Variants in GTF2F2 observed in about 807,000 individuals in gnomAD.
The protein encoded by GTF2F2 is general transcription factor IIF subunit 2.
Under a neutral mutation model 42.2 loss-of-function variants are expected in GTF2F2, and 23 were observed. That is an observed-to-expected ratio of 0.55 (90% CI 0.39 to 0.77). GTF2F2 has a LOEUF of 0.77. Ranked by LOEUF, GTF2F2 falls within the 30% of genes least tolerant of loss-of-function variation. The probability of loss-of-function intolerance (pLI) is 0.00; values close to 1 mark genes in which losing one functional copy is unlikely to be tolerated. For missense variants in GTF2F2, 261 were observed against 287.2 expected (o/e 0.91, Z 0.66); for synonymous variants, 105 against 100.8 (o/e 1.04, Z -0.25).
intron 7 of GTF2F2, among the ~76,000 whole-genome samples, chr13:45,270,079 G>A (rs1876725786): frequency 6.6e-6 from 1 of 152,138 alleles, no homozygotes; most frequent in Non-Finnish European, 1.5e-5. Context: ...TGATCTACAT[G>A]CCTCAGCCTC....
At chr13:45,143,398 T>A (rs1192071028) in intron 2 of GTF2F2, among the ~76,000 whole-genome samples, 5 of 152,226 alleles carry the variant, frequency 3.3e-5, no homozygotes, top group African/African-American at 1.2e-4. Context: ...CCCTATCACT[T>A]ACTAGCTATG....
chr13:45,125,690 GTC>G (rs1868959882), intron 1 of GTF2F2, among the ~76,000 whole-genome samples: 1 of 152,136 alleles, frequency 6.6e-6, no homozygotes. Flanking sequence ...TCATTTTTAT[GTC>G]TTTGGTCTTG....
intron 4 of GTF2F2, among the ~76,000 whole-genome samples, chr13:45,184,767 T>G (rs544912902): frequency 2.0e-4 from 31 of 152,270 alleles, no homozygotes; most frequent in Non-Finnish European, 3.4e-4. Context: ...ACTAAACACC[T>G]GAGTGTTAAC....
intron 1 of GTF2F2, 101 bp downstream of exon 1, chr13:45,120,822 G>A: frequency 1.2e-6 from 1 of 809,746 alleles, no homozygotes; most frequent in Non-Finnish European, 2.1e-6. Flanking sequence ...GTTCTTTTAC[G>A]GCTATCTCGT....
Position 45,279,661 on chromosome 13 carries a change from G to A in GTF2F2, c.631-3781G>A, listed in dbSNP as rs191789249. Reference sequence around the variant, plus strand: ...GGTGGCTCATGCCTGTAATCCTAGCGCTTTGGGAGGCCGAGGCGGGTGGAT... The same window carrying A: ...GGTGGCTCATGCCTGTAATCCTAGCACTTTGGGAGGCCGAGGCGGGTGGAT... On this transcript the variant is annotated intron_variant, in intron 7 of 7. Coordinates refer to ENST00000340473, the MANE Select transcript of GTF2F2 (RefSeq NM_004128.3). 8.5e-3 allele frequency among the ~76,000 whole-genome samples: 1,288 copies of A among 152,178 alleles called. 19 individuals carry two copies. The highest frequency in any genetic ancestry group is 0.024 in the Middle Eastern group (7 of 294).
At chr13:45,178,775 A>G (rs1242057993) in intron 4 of GTF2F2, among the ~76,000 whole-genome samples, 3 of 152,320 alleles carry the variant, frequency 2.0e-5, no homozygotes, top group South Asian at 2.1e-4. Context: ...GCCTTAAAAC[A>G]ACAATGATGT....
intron 4 of GTF2F2, chr13:45,206,282 A>G (rs1873409081): frequency 2.0e-5 from 3 of 152,198 alleles, no homozygotes; most frequent in Non-Finnish European, 4.4e-5. Context: ...TCACTAAAAA[A>G]AGATTTTTTA....
At chr13:45,146,925 T>G (rs1044716368) in intron 2 of GTF2F2, among the ~76,000 whole-genome samples, 4 of 152,256 alleles carry the variant, frequency 2.6e-5, no homozygotes, top group Non-Finnish European at 5.9e-5. Context: ...AAAGGTTATG[T>G]GTACTTCATA....
rs1034936970 is a variant in GTF2F2, at chr13:45,283,803, A to G, written c.*242A>G. The G allele has an allele frequency of 5.6e-5, 12 of 215,254 alleles. No individual in the cohort carries two copies. The highest frequency in any genetic ancestry group is 1.1e-4 in the Non-Finnish European group (12 of 109,050). The allele number at this position is 215,254 out of a possible 1,614,324, so 13.3% of individuals were successfully genotyped here. A position where few individuals can be genotyped will look rare whatever the true frequency, so the allele number is the denominator to read the frequency against. On this transcript the variant is annotated 3_prime_UTR_variant, in exon 8 of 8. Coordinates refer to ENST00000340473, the MANE Select transcript of GTF2F2 (RefSeq NM_004128.3). ...AAACCAGATTATTCACAGTAGGAAT[A>G]GGGGTTGGAGGATTAAGAGGGTTTT...
In GTF2F2 at chr13:45,276,612, A is replaced by AT. The variant is rs1039458956; in HGVS notation, c.631-6822dup. Reference sequence around the variant, plus strand: ...ACACCATGCCTGGCCAATCTTTTGTATTTTTTTTAGTAGAGAAGGGATTTC... The same window carrying AT: ...ACACCATGCCTGGCCAATCTTTTGTATTTTTTTTTAGTAGAGAAGGGATTTC... On this transcript the variant is annotated intron_variant, in intron 7 of 7. Transcript: ENST00000340473. Among the ~76,000 whole-genome samples the AT allele has an allele frequency of 1.7e-4, 26 of 151,410 alleles. No homozygotes were observed. The South Asian group carries it at 2.3e-3, about 13-fold the overall frequency.
At chr13:45,142,670 C>G (rs1869989653) in intron 2 of GTF2F2, among the ~76,000 whole-genome samples, 1 of 152,156 alleles carries the variant, frequency 6.6e-6, no homozygotes, top group Admixed American at 6.5e-5. Flanking sequence ...AATTAGTACC[C>G]TAAGACTGCT....
At chr13:45,203,116 G>A (rs952864247) in intron 4 of GTF2F2, among the ~76,000 whole-genome samples, 127 of 151,812 alleles carry the variant, frequency 8.4e-4, no homozygotes, top group Non-Finnish European at 3.8e-4. Flanking sequence ...TCATTCTGTC[G>A]CCCAGGCTGG....
chr13:45,260,047 A>C (rs1259727314), intron 6 of GTF2F2, among the ~76,000 whole-genome samples: 1 of 151,950 alleles, frequency 6.6e-6, no homozygotes. Flanking sequence ...AACTGTGCTC[A>C]GATGGGTAAG....
intron 4 of GTF2F2, among the ~76,000 whole-genome samples, chr13:45,173,369 C>CTGTGTGTG (rs374858973): frequency 3.5e-4 from 51 of 147,432 alleles, no homozygotes; most frequent in African/African-American, 1.0e-3. Context: ...TTGTACTTAA[C>CTGTGTGTG]TGTGTGTGTG....
intron 5 of GTF2F2, among the ~76,000 whole-genome samples, chr13:45,212,549 T>TTTCC (rs1873730267): frequency 2.7e-5 from 4 of 149,926 alleles, no homozygotes; most frequent in Non-Finnish European, 5.9e-5. Flanking sequence ...TTTCTCTCTC[T>TTTCC]CTCTTTCTCT....
intron 1 of GTF2F2, among the ~76,000 whole-genome samples, chr13:45,126,667 TG>T (rs547015835): frequency 0.037 from 5,326 of 144,788 alleles, 272 homozygotes; most frequent in African/African-American, 0.12. Flanking sequence ...AAAACGGACA[TG>T]GTATATATAC....
intron 4 of GTF2F2, among the ~76,000 whole-genome samples, chr13:45,185,788 G>A (rs1223557490): frequency 6.6e-6 from 1 of 151,898 alleles, no homozygotes; most frequent in East Asian, 1.9e-4. Flanking sequence ...CTTCTGTTTG[G>A]TGTCTCTCTC....
At position 45,234,838 on chromosome 13, in the gene GTF2F2, G is replaced by A. The variant is rs191102252; in HGVS notation, c.387-18033G>A. On this transcript the variant is annotated intron_variant, in intron 5 of 7. Coordinates refer to ENST00000340473, the MANE Select transcript of GTF2F2 (RefSeq NM_004128.3). Reference sequence around the variant, plus strand: ...AGGCAGGCGAATCACCTGAGGTTGAGAGTTTGAGACCAGCCTGACCAACAT... The same window carrying A: ...AGGCAGGCGAATCACCTGAGGTTGAAAGTTTGAGACCAGCCTGACCAACAT... Among the ~76,000 whole-genome samples, 112 of 152,144 alleles carry A rather than the reference G, an allele frequency of 7.4e-4. 2 individuals carry two copies. The East Asian group carries it at 0.02, about 28-fold the overall frequency.
chr13:45,124,037 A>T (rs899474302), intron 1 of GTF2F2: 26 of 1,133,474 alleles, frequency 2.3e-5, no homozygotes, highest in Middle Eastern at 2.9e-4. Context: ...CATGTGGGCC[A>T]TGAGGTCCCC....
Sources: allele counts gnomAD v4.1 joint callset (sites outside exome capture counted in the v4.1 genomes callset), GRCh38; gene constraint gnomAD v4.1.1; transcripts MANE v1.5; gene names NCBI Gene and HGNC (gene_info 2026-07-23, HGNC 2026-07-21).